The following RNMT variants were observed in gnomAD, a reference collection of about 807,000 sequenced individuals.
The protein encoded by RNMT is mRNA cap guanine-N(7) methyltransferase.
RNMT carries 27 observed loss-of-function variants against 56.0 expected under a neutral mutation model. The observed-to-expected ratio is 0.48, with a 90% CI of 0.36 to 0.67. RNMT has a LOEUF of 0.67. Ranked by LOEUF, RNMT falls within the 30% of genes least tolerant of loss-of-function variation. RNMT has a pLI of 0.00. For missense variants in RNMT, 519 were observed against 552.1 expected, an observed-to-expected ratio of 0.94 and a Z score of 0.60; for synonymous variants, 184 against 176.2, an observed-to-expected ratio of 1.04 and a Z score of -0.35.
chr18:13,754,848 A>G (rs77807120), intron 11 of RNMT, among the ~76,000 whole-genome samples: 2,789 of 152,344 alleles, frequency 0.018, 34 homozygotes, highest in Middle Eastern at 0.061. Context: ...AGAACATTCA[A>G]TGAAACATCC....
rs1298367592 is a variant in RNMT at position 13,764,104 on chromosome 18, A to C, written c.*4125A>C. On this transcript the variant is annotated 3_prime_UTR_variant, in exon 12 of 12. Coordinates refer to ENST00000383314, the MANE Select transcript of RNMT (RefSeq NM_003799.3). ...TCTCTTCCCACCCTCACCATTTGCA[A>C]GTGGCAGGAGCTGAGAATGCCAGTA... 6.6e-6 allele frequency: 1 copy of C among 152,208 alleles called. No homozygotes were observed. The highest frequency in any genetic ancestry group is 2.4e-5 in the African/African-American group (1 of 41,444). 9.4% of individuals were successfully genotyped at this position (152,208 alleles called of 1,614,324 possible). A position where few individuals can be genotyped will look rare whatever the true frequency, so the allele number is the denominator to read the frequency against.
intron 8 of RNMT, among the ~76,000 whole-genome samples, chr18:13,744,507 C>G (rs112214628): frequency 1.3e-5 from 2 of 150,396 alleles, no homozygotes; most frequent in African/African-American, 4.9e-5. Flanking sequence ...TTTCTAAAGG[C>G]TTATTTTAGA....
At chr18:13,738,530 A>G (rs79455728) in intron 5 of RNMT, among the ~76,000 whole-genome samples, 2,706 of 152,330 alleles carry the variant, frequency 0.018, 31 homozygotes, top group Middle Eastern at 0.061. Flanking sequence ...TAGTTACAAT[A>G]TGGAATCTGA....
intron 5 of RNMT, 61 bp from the exon 6 acceptor site, chr18:13,740,106 T>A: frequency 1.0e-6 from 1 of 982,088 alleles, no homozygotes; most frequent in Admixed American, 1.8e-5. Context: ...TCAGTTGAGA[T>A]CAATGTCTAG....
intron 11 of RNMT, among the ~76,000 whole-genome samples, chr18:13,757,629 A>G (rs758619618): frequency 2.6e-5 from 4 of 152,186 alleles, no homozygotes; most frequent in Admixed American, 6.5e-5. Flanking sequence ...TGTTGTTGCC[A>G]TCCCGTCTGC....
chr18:13,745,637 A>G (rs1045907018), intron 8 of RNMT, among the ~76,000 whole-genome samples: 1 of 152,098 alleles, frequency 6.6e-6, no homozygotes, highest in African/African-American at 2.4e-5. Context: ...AAGCAGTAGA[A>G]TCCATGAGTG....
At chr18:13,728,890 A>T (rs889351879) in intron 1 of RNMT, among the ~76,000 whole-genome samples, 5 of 152,102 alleles carry the variant, frequency 3.3e-5, no homozygotes, top group Admixed American at 6.5e-5. Context: ...ATCCCGTCAG[A>T]TGAATGGTTT....
Position 13,762,815 on chromosome 18 carries a change from C to T in RNMT, c.*2836C>T. On this transcript the variant is annotated 3_prime_UTR_variant, in exon 12 of 12. Transcript: ENST00000383314. ...TTTCAGCCTGTTTTTTAGCTTAGTG[C>T]CATTATGTCATTTTGATTTGTATTC... is the stretch of plus-strand genomic sequence containing the variant. 1 of 277,848 alleles carries T rather than the reference C, an allele frequency of 3.6e-6. No individual in the cohort carries two copies. Among genetic ancestry groups the T allele is most frequent in the South Asian group, 3.8e-5 (1 of 26,230 alleles). The allele number at this position is 277,848 out of a possible 1,614,324, so 17.2% of individuals were successfully genotyped here.
chr18:13,761,859 C>T lies in RNMT; in HGVS notation c.*1880C>T. 4 of 1,133,988 alleles carry T rather than the reference C, an allele frequency of 3.5e-6. 1 individual carries two copies. In the South Asian group the frequency reaches 8.9e-5, roughly 25 times the overall value. The allele number at this position is 1,133,988 out of a possible 1,614,324, so 70.2% of individuals were successfully genotyped here. On this transcript the variant is annotated 3_prime_UTR_variant, in exon 12 of 12. Coordinates refer to ENST00000383314, the MANE Select transcript of RNMT (RefSeq NM_003799.3). ...CCACCCTACACCCCCCTCCCCCCGGCCCCAAGCCCCTGTGTCTCCTTGTTA... is the reference window on the plus strand; with the variant it reads ...CCACCCTACACCCCCCTCCCCCCGGTCCCAAGCCCCTGTGTCTCCTTGTTA...
At chr18:13,749,831 C>T (rs568485114) in intron 9 of RNMT, among the ~76,000 whole-genome samples, 1 of 140,322 alleles carries the variant, frequency 7.1e-6, no homozygotes, top group South Asian at 2.6e-4. Flanking sequence ...CCCGACCCTT[C>T]TCCCCCAGCC....
chr18:13,750,786 G>A lies in RNMT; in HGVS notation c.1258-1540G>A, dbSNP rs1033804661. 2.6e-5 allele frequency among the ~76,000 whole-genome samples: 4 copies of A among 151,930 alleles called. No homozygotes were observed. In the South Asian group the frequency reaches 8.3e-4, roughly 32 times the overall value. Reference sequence around the variant, plus strand: ...ACTGCAATACAGCCTGGGAGACAGAGCAAGACTCTGTCTCAAAAAAAAAAG... The same window carrying A: ...ACTGCAATACAGCCTGGGAGACAGAACAAGACTCTGTCTCAAAAAAAAAAG... On this transcript the variant is annotated intron_variant, in intron 9 of 11. Coordinates refer to ENST00000383314, the MANE Select transcript of RNMT (RefSeq NM_003799.3).
chr18:13,742,365 T>A, intron 7 of RNMT, 123 bp from the exon 8 acceptor site: 1 of 796,670 alleles, frequency 1.3e-6, no homozygotes, highest in Non-Finnish European at 2.0e-6. Flanking sequence ...GTAGCCCAGA[T>A]ATAATTAAAA....
At chr18:13,744,196 G>A (rs1408099831) in intron 8 of RNMT, among the ~76,000 whole-genome samples, 1 of 55,026 alleles carries the variant, frequency 1.8e-5, no homozygotes, top group Non-Finnish European at 4.1e-5. Context: ...GACTTAAATT[G>A]CCTAATGATG....
chr18:13,759,429 G>A (rs1893495), intron 11 of RNMT, among the ~76,000 whole-genome samples: 91,509 of 151,882 alleles, frequency 0.6, 28,322 homozygotes, highest in East Asian at 0.86. Flanking sequence ...CTGAAGTATT[G>A]ATTGTCGTAG....
chr18:13,729,922 G>A (rs1266243345), intron 1 of RNMT, among the ~76,000 whole-genome samples: 1 of 151,904 alleles, frequency 6.6e-6, no homozygotes, highest in Non-Finnish European at 1.5e-5. Flanking sequence ...ACTTCAGCCT[G>A]CTGAGTAACT....
chr18:13,754,520 CTT>C (rs1174077121), intron 11 of RNMT, among the ~76,000 whole-genome samples: 2 of 152,092 alleles, frequency 1.3e-5, no homozygotes, highest in Non-Finnish European at 2.9e-5. Flanking sequence ...AATCTGAAAA[CTT>C]TGAGTTTTTC....
Position 13,762,055 on chromosome 18 carries a change from T to TA in RNMT, c.*2077dup, listed in dbSNP as rs1568518881. 1 of 1,536,128 alleles carries TA rather than the reference T, an allele frequency of 6.5e-7. No homozygotes were observed. The highest frequency in any genetic ancestry group is 8.7e-7 in the Non-Finnish European group (1 of 1,146,888). On this transcript the variant is annotated 3_prime_UTR_variant, in exon 12 of 12. Transcript: ENST00000383314. The stretch of plus-strand genomic sequence containing the variant: ...TCTATTCAGGACTTACGGTAACTAT[T>TA]ATGAGGGAGGCATGGCTTTCCACCG...
intron 8 of RNMT, among the ~76,000 whole-genome samples, chr18:13,745,231 G>A (rs964678762): frequency 1.3e-5 from 2 of 152,178 alleles, no homozygotes; most frequent in East Asian, 1.9e-4. Context: ...GGGTGTTAAG[G>A]GGGTAGTGAC....
Position 13,731,537 on chromosome 18 carries a change from CAGA to C in RNMT, c.25_27del (p.Glu9del), listed in dbSNP as rs752808413. ...TCATAAATGGCAAATTCTGCAAAAG[CAGA>C]AGAATATGAAAAGATGTCTCTTGAA... On this transcript the variant is annotated inframe_deletion, in exon 3 of 12. Transcript: ENST00000383314. The C allele has an allele frequency of 6.3e-6, 10 of 1,593,928 alleles. No homozygotes were observed. Among genetic ancestry groups the C allele is most frequent in the Non-Finnish European group, 7.7e-6 (9 of 1,172,090 alleles).
Sources: allele counts gnomAD v4.1 joint callset (sites outside exome capture counted in the v4.1 genomes callset), GRCh38; gene constraint gnomAD v4.1.1; transcripts MANE v1.5; gene names NCBI Gene and HGNC (gene_info 2026-07-23, HGNC 2026-07-21).